The following ESR1 variants were observed in gnomAD, a reference collection of about 807,000 sequenced individuals.
ESR1 encodes the protein estrogen receptor 1, also known as estrogen receptor.
Under a neutral mutation model 52.7 loss-of-function variants are expected in ESR1, and 12 were observed. That is an observed-to-expected ratio of 0.23 (90% CI 0.15 to 0.37). ESR1 has a LOEUF of 0.37. Among genes scored for constraint, ESR1 ranks in the 10% least tolerant of loss-of-function variants. ESR1 has a pLI of 1.00. For synonymous variants in ESR1, 305 were observed against 316.8 expected (o/e 0.96, Z 0.39); for missense variants, 584 against 779.7 (o/e 0.75, Z 2.99).
intron 5 of ESR1, among the ~76,000 whole-genome samples, chr6:152,059,242 A>G (rs9397079): frequency 0.22 from 33,326 of 151,938 alleles, 5,310 homozygotes; most frequent in African/African-American, 0.44. Context: ...ATTTAAACAT[A>G]AAAGCATGGA....
intron 5 of ESR1, among the ~76,000 whole-genome samples, chr6:152,020,697 C>T (rs566947813): frequency 3.3e-4 from 50 of 152,270 alleles, no homozygotes; most frequent in African/African-American, 9.9e-4. Context: ...GTGATCTACC[C>T]GCCTTGGCCT....
intron 5 of ESR1, among the ~76,000 whole-genome samples, chr6:152,019,045 TAA>T (rs933867939): frequency 6.6e-5 from 10 of 152,320 alleles, no homozygotes; most frequent in African/African-American, 2.4e-4. Context: ...GACTGACTCT[TAA>T]AAGTCTTTGG....
chr6:151,816,476 A>T (rs1157673638), intron 1 of ESR1, among the ~76,000 whole-genome samples: 1 of 152,344 alleles, frequency 6.6e-6, no homozygotes, highest in African/African-American at 2.4e-5. Context: ...GGCTTATAAC[A>T]TTCCTGGCAC....
At chr6:151,876,170 G>A (rs1791781418) in intron 2 of ESR1, among the ~76,000 whole-genome samples, 1 of 152,126 alleles carries the variant, frequency 6.6e-6, no homozygotes. Context: ...GAAGGAGATT[G>A]AATCTAGAAT....
At chr6:152,027,224 C>G (rs2044227523) in intron 5 of ESR1, among the ~76,000 whole-genome samples, 1 of 152,290 alleles carries the variant, frequency 6.6e-6, no homozygotes, top group Non-Finnish European at 1.5e-5. Flanking sequence ...ATCAGTCTCC[C>G]ACAGTGCTGG....
intron 2 of ESR1, among the ~76,000 whole-genome samples, chr6:151,849,994 A>ATATAATTTTATATATATATAAAAAAT (rs1554268084): frequency 9.5e-6 from 1 of 105,082 alleles, no homozygotes; most frequent in Non-Finnish European, 1.9e-5. Flanking sequence ...ATATATATAT[A>ATATAATTTTATATATATATAAAAAAT]TATATATATA....
At chr6:151,717,684 C>T (rs1037529674) in intron 2 of ESR1, among the ~76,000 whole-genome samples, 1 of 152,078 alleles carries the variant, frequency 6.6e-6, no homozygotes, top group Non-Finnish European at 1.5e-5. Context: ...ATGAATGAAA[C>T]ATTTTTGCTT....
intron 4 of ESR1, among the ~76,000 whole-genome samples, chr6:151,969,908 C>A (rs1278204334): frequency 3.3e-5 from 5 of 150,902 alleles, no homozygotes; most frequent in Admixed American, 1.3e-4. Context: ...TTTTAAAACA[C>A]AACAAATTTT....
At chr6:151,816,800 T>G (rs1779720713) in intron 1 of ESR1, among the ~76,000 whole-genome samples, 1 of 152,086 alleles carries the variant, frequency 6.6e-6, no homozygotes, top group Non-Finnish European at 1.5e-5. Context: ...TCCCAGCACT[T>G]TGAGGAACTG....
intron 5 of ESR1, among the ~76,000 whole-genome samples, chr6:152,012,016 A>G (rs1050693767): frequency 2.3e-5 from 3 of 132,096 alleles, no homozygotes; most frequent in African/African-American, 9.0e-5. Flanking sequence ...ATTATTTCTA[A>G]TACACACACA....
intron 5 of ESR1, among the ~76,000 whole-genome samples, chr6:152,040,487 T>A (rs572179970): frequency 2.0e-5 from 3 of 152,284 alleles, no homozygotes; most frequent in South Asian, 4.2e-4. Flanking sequence ...TTCCCCAAAT[T>A]TCATTGTCAT....
rs71017515 is a variant in ESR1 at position 151,880,181 on chromosome 6, G to GTTTTTT, written c.644-460_644-455dup. The stretch of plus-strand genomic sequence containing the variant: ...AAGTCCACGGGAGGTTTTTTGTTCT[G>GTTTTTT]TTTTTTTTTTTTTTTTTTTGAGATG... On this transcript the variant is annotated intron_variant, in intron 2 of 7. Transcript: ENST00000206249. Among the ~76,000 whole-genome samples, 72 of 116,332 alleles carry GTTTTTT rather than the reference G, an allele frequency of 6.2e-4. 2 individuals are homozygous for GTTTTTT. Among genetic ancestry groups the GTTTTTT allele is most frequent in the Middle Eastern group, 6.3e-3 (1 of 158 alleles). 76.3% of individuals were successfully genotyped at this position (116,332 alleles called of 152,430 possible).
At chr6:151,993,036 C>A (rs1304931738) in intron 4 of ESR1, among the ~76,000 whole-genome samples, 2 of 152,148 alleles carry the variant, frequency 1.3e-5, no homozygotes, top group East Asian at 1.9e-4. Flanking sequence ...ATCCTTCCCC[C>A]ACTCACAGGT....
At chr6:151,679,872 G>A (rs1778390731) in intron 1 of ESR1, among the ~76,000 whole-genome samples, 1 of 152,152 alleles carries the variant, frequency 6.6e-6, no homozygotes, top group Non-Finnish European at 1.5e-5. Context: ...TTTCCTCTGA[G>A]TCTTCAGGTA....
At chr6:151,909,539 A>G (rs1212900089) in intron 3 of ESR1, among the ~76,000 whole-genome samples, 1 of 152,240 alleles carries the variant, frequency 6.6e-6, no homozygotes, top group Non-Finnish European at 1.5e-5. Flanking sequence ...CAGTGACTGC[A>G]TAAACCGGTG....
In ESR1 at chr6:151,906,136, T is replaced by G. The variant is rs956817941; in HGVS notation, c.760+25365T>G. 3.3e-5 allele frequency among the ~76,000 whole-genome samples: 5 copies of G among 152,110 alleles called. No individual in the cohort carries two copies. In the East Asian group the frequency reaches 9.6e-4, roughly 29 times the overall value. ...ATTAGACACACCATATTTTTTAAATTATAAGAGATTAAGAACTATGAGATA... is the reference window on the plus strand; with the variant it reads ...ATTAGACACACCATATTTTTTAAATGATAAGAGATTAAGAACTATGAGATA... On this transcript the variant is annotated intron_variant, in intron 3 of 7. Coordinates refer to ENST00000206249, the MANE Select transcript of ESR1 (RefSeq NM_000125.4).
chr6:151,814,668 G>A (rs1322038144), intron 1 of ESR1, among the ~76,000 whole-genome samples: 1 of 152,188 alleles, frequency 6.6e-6, no homozygotes, highest in African/African-American at 2.4e-5. Flanking sequence ...ACAAAATAAA[G>A]AAGAAATTTT....
At chr6:151,988,305 C>T (rs2040690920) in intron 4 of ESR1, among the ~76,000 whole-genome samples, 1 of 152,086 alleles carries the variant, frequency 6.6e-6, no homozygotes. Context: ...AAGGAGTGCA[C>T]AACCTAGATC....
At chr6:152,113,477 C>G (rs1363871581) in intron 6 of ESR1, among the ~76,000 whole-genome samples, 1 of 151,940 alleles carries the variant, frequency 6.6e-6, no homozygotes, top group Non-Finnish European at 1.5e-5. Context: ...GCAGGGCTGT[C>G]GAGAGTCTGA....
Sources: allele counts gnomAD v4.1 joint callset (sites outside exome capture counted in the v4.1 genomes callset), GRCh38; gene constraint gnomAD v4.1.1; transcripts MANE v1.5; gene names NCBI Gene and HGNC (gene_info 2026-07-23, HGNC 2026-07-21).